MFF: variants seen among roughly 807,000 people sequenced by gnomAD.
MFF encodes chromosome 2 open reading frame 33.
A neutral mutation model predicts 36.9 loss-of-function variants in MFF; 12 were observed. That is an observed-to-expected ratio of 0.33 (90% confidence interval 0.21 to 0.53). MFF has a LOEUF of 0.53. Among genes scored for constraint, MFF ranks in the 20% least tolerant of loss-of-function variants. The pLI, the probability that MFF is intolerant of heterozygous loss-of-function variation, is 0.95. For synonymous variants in MFF, 99 were observed against 126.2 expected (o/e 0.78, Z 1.44); for missense variants, 348 against 366.6 (o/e 0.95, Z 0.42).
intron 2 of MFF, 154 bp downstream of exon 2, chr2:227,328,943 T>C (rs1221804586): frequency 1.3e-5 from 2 of 152,218 alleles, no homozygotes; most frequent in African/African-American, 4.8e-5. Flanking sequence ...GGGCTGAGCG[T>C]CCTGAGCAAC....
intron 6 of MFF, chr2:227,351,623 A>G (rs2076000745): frequency 6.6e-6 from 1 of 152,184 alleles, no homozygotes; most frequent in South Asian, 2.1e-4. Flanking sequence ...CTTAGTAAAT[A>G]TTGCTGATTG....
At chr2:227,355,461 A>G in intron 7 of MFF, 1 of 287,884 alleles carries the variant, frequency 3.5e-6, no homozygotes, top group East Asian at 6.1e-5. Context: ...TCCAGTTTTT[A>G]GTGCCCTTTT....
intron 4 of MFF, among the ~76,000 whole-genome samples, chr2:227,337,479 A>T (rs2075092949): frequency 6.6e-6 from 1 of 152,214 alleles, no homozygotes; most frequent in African/African-American, 2.4e-5. Context: ...CTTTGAACAG[A>T]TTGAGAGAAT....
intron 6 of MFF, among the ~76,000 whole-genome samples, chr2:227,350,241 T>A (rs926736947): frequency 1.3e-5 from 2 of 152,136 alleles, no homozygotes; most frequent in Non-Finnish European, 2.9e-5. Flanking sequence ...TTTGCTCAGG[T>A]GCAGCAGAAA....
At position 227,357,295 on chromosome 2, in the gene MFF, T is replaced by C. The variant is rs2076307086; in HGVS notation, c.*178T>C. Reference sequence around the variant, plus strand: ...TTTGTAGAAGTAAAGGTATATTCTGTCACTCAGCTGTATTCACGTCTGAGC... The same window carrying C: ...TTTGTAGAAGTAAAGGTATATTCTGCCACTCAGCTGTATTCACGTCTGAGC... On this transcript the variant is annotated 3_prime_UTR_variant, in exon 9 of 9. Coordinates refer to ENST00000304593, the MANE Select transcript of MFF (RefSeq NM_001277062.2). 1 of 626,356 alleles carries C rather than the reference T, an allele frequency of 1.6e-6. No individual in the cohort carries two copies. Among genetic ancestry groups the C allele is most frequent in the Non-Finnish European group, 2.6e-6 (1 of 379,912 alleles). The allele number at this position is 626,356 out of a possible 1,614,324, so 38.8% of individuals were successfully genotyped here. A position where few individuals can be genotyped will look rare whatever the true frequency, so the allele number is the denominator to read the frequency against.
chr2:227,354,152 A>G (rs1044646453), intron 7 of MFF, among the ~76,000 whole-genome samples: 3 of 152,208 alleles, frequency 2.0e-5, no homozygotes, highest in African/African-American at 7.2e-5. Context: ...ATATTTGGAG[A>G]TGGTTGTAGA....
At chr2:227,340,410 T>C (rs766453079) in intron 5 of MFF, 30 bp downstream of exon 5, 14 of 1,450,620 alleles carry the variant, frequency 9.7e-6, no homozygotes, top group Non-Finnish European at 1.2e-5. Flanking sequence ...TTTTATCTCG[T>C]TTGTAAGTTT....
chr2:227,329,538 CT>C lies in MFF; in HGVS notation c.-41+753del, dbSNP rs1205571929. 59 of 429,956 alleles carry C rather than the reference CT, an allele frequency of 1.4e-4. No homozygotes were observed. In the African/African-American group the frequency reaches 1.7e-3, roughly 12 times the overall value. The allele number at this position is 429,956 out of a possible 1,614,324, so 26.6% of individuals were successfully genotyped here. ...AAAAGTCATTTTACGTAGATATTTA[CT>C]TTTATTCATAGTTTTCTTATGAAAT... On this transcript the variant is annotated intron_variant, in intron 2 of 8. Transcript: ENST00000304593.
chr2:227,347,370 G>C lies in MFF; in HGVS notation c.585G>C (p.Leu195=), dbSNP rs1026661833. Residue 195 remains leucine (L), a synonymous_variant, in exon 6 of 9, where the codon CTG becomes CTC. Transcript: ENST00000304593. ...RRAYQQILDV[L]DENRRPVLRG... ...CATACCAGCAGATCTTGGATGTGCT[G>C]GATGAAAATCGCAGGTGATTGGCCA... 3.1e-6 allele frequency: 5 copies of C among 1,613,434 alleles called. No individual in the cohort carries two copies. The Admixed American group carries it at 8.3e-5, about 27-fold the overall frequency.
intron 8 of MFF, among the ~76,000 whole-genome samples, chr2:227,356,285 T>C (rs1352250277): frequency 2.0e-5 from 3 of 152,078 alleles, no homozygotes; most frequent in Non-Finnish European, 2.9e-5. Flanking sequence ...CTATACCAAA[T>C]AGATATAGAG....
intron 3 of MFF, among the ~76,000 whole-genome samples, chr2:227,331,970 T>A (rs1428812360): frequency 7.2e-5 from 9 of 125,656 alleles, no homozygotes; most frequent in South Asian, 2.7e-4. Context: ...TTTTTTTTTT[T>A]TTTTTTTTTT....
chr2:227,347,293 C>T lies in MFF; in HGVS notation c.508C>T (p.Leu170Phe). The stretch of plus-strand genomic sequence containing the variant: ...TATGTTACCTGAAGATGGAGCTAAT[C>T]TTTCCTCTGCTCGTGGCATTTTGTC... ...PHMLPEDGAN[L>F]SSARGILSLI... Residue 170 changes from leucine (L) to phenylalanine (F), a missense_variant, in exon 6 of 9, where the codon CTT becomes TTT. Physicochemically the swap from Leu to Phe is conservative, Grantham distance 22 (BLOSUM62 0). Transcript: ENST00000304593. The T allele has an allele frequency of 1.9e-6, 3 of 1,613,760 alleles. No homozygotes were observed. Among genetic ancestry groups the T allele is most frequent in the Non-Finnish European group, 2.5e-6 (3 of 1,179,732 alleles).
At chr2:227,331,124 A>G (rs1190172600) in intron 3 of MFF, among the ~76,000 whole-genome samples, 1 of 152,188 alleles carries the variant, frequency 6.6e-6, no homozygotes, top group African/African-American at 2.4e-5. Flanking sequence ...CCACCACCAC[A>G]GTCCAAATAG....
chr2:227,352,742 A>G (rs1250512530), intron 7 of MFF, among the ~76,000 whole-genome samples, 169 bp downstream of exon 7: 4 of 152,242 alleles, frequency 2.6e-5, no homozygotes, highest in African/African-American at 9.6e-5. Context: ...ATAATCAGTC[A>G]TGACATTTGG....
intron 4 of MFF, among the ~76,000 whole-genome samples, chr2:227,337,525 C>T (rs1047630031): frequency 2.6e-5 from 4 of 152,088 alleles, no homozygotes; most frequent in Non-Finnish European, 5.9e-5. Context: ...TTTACTTGCC[C>T]AGGAATTTAT....
At chr2:227,356,941 T>A (rs1169330740) in intron 8 of MFF, 45 bp from the exon 9 acceptor site, 26 of 1,487,966 alleles carry the variant, frequency 1.7e-5, no homozygotes, top group Non-Finnish European at 2.2e-5. Flanking sequence ...CCCTATTCAT[T>A]AAAGCCTCTA....
intron 5 of MFF, among the ~76,000 whole-genome samples, chr2:227,343,142 C>G (rs547249629): frequency 6.6e-6 from 1 of 151,784 alleles, no homozygotes. Context: ...TCAACAGATT[C>G]AACGTCACCT....
intron 5 of MFF, among the ~76,000 whole-genome samples, chr2:227,341,391 T>G (rs537323541): frequency 6.6e-6 from 1 of 151,976 alleles, no homozygotes; most frequent in African/African-American, 2.4e-5. Flanking sequence ...TTGTGTTAGG[T>G]GAAAGGAGAA....
intron 1 of MFF, among the ~76,000 whole-genome samples, chr2:227,328,143 A>G (rs4352222): frequency 0.96 from 145,852 of 152,122 alleles, 70,141 homozygotes; most frequent in East Asian, 1. Context: ...GACGAAGGCC[A>G]GAGGATTTCT....
Sources: gnomAD v4.1 joint callset for allele counts (sites outside exome capture counted in the v4.1 genomes callset) on GRCh38, gnomAD v4.1.1 for gene constraint, MANE v1.5 for transcripts, NCBI Gene and HGNC (gene_info 2026-07-23, HGNC 2026-07-21) for gene names.